The following REPS2 variants were observed in gnomAD, a reference collection of about 807,000 sequenced individuals.
REPS2 encodes ralBP1-associated Eps domain-containing protein 2.
In REPS2, 23 loss-of-function variants were observed where a neutral mutation model predicts 53.6. The ratio of observed to expected loss-of-function variants is 0.43; its 90% CI spans 0.31 to 0.61. The LOEUF is 0.61. Ranked by LOEUF, REPS2 falls within the 20% of genes least tolerant of loss-of-function variation. REPS2 has a pLI of 0.11. For missense variants in REPS2, 446 were observed against 534.9 expected, an observed-to-expected ratio of 0.83 and a Z score of 1.64; for synonymous variants, 238 against 218.6, an observed-to-expected ratio of 1.09 and a Z score of -0.78.
the REPS2 span, among the ~76,000 whole-genome samples, chrX:17,193,789 A>T: frequency 9.0e-6 from 1 of 111,473 alleles, no homozygotes; most frequent in Non-Finnish European, 1.9e-5. Context: ...AGAAACAATT[A>T]TTTATCAAGA....
At chrX:17,100,060 C>T (rs2062765691) in intron 13 of REPS2, 2 of 1,145,515 alleles carry the variant, frequency 1.7e-6, no homozygotes, top group Non-Finnish European at 2.4e-6. Context: ...GAATCAGAAT[C>T]AGCTTTGTGC....
At chrX:17,170,610 A>G in the REPS2 span, among the ~76,000 whole-genome samples, 1 of 112,397 alleles carries the variant, frequency 8.9e-6, no homozygotes, top group African/African-American at 3.2e-5. Flanking sequence ...GCCATGCACT[A>G]CTGAGATCCT....
intron 13 of REPS2, among the ~76,000 whole-genome samples, chrX:17,099,112 G>A (rs1450497088): frequency 9.0e-6 from 1 of 111,431 alleles, no homozygotes; most frequent in East Asian, 2.8e-4. Context: ...GTTTAGGCAG[G>A]GAACACCATG....
intron 12 of REPS2, 51 bp from the exon 13 acceptor site, chrX:17,077,220 G>C: frequency 1.8e-6 from 2 of 1,096,902 alleles, no homozygotes; most frequent in Non-Finnish European, 2.4e-6. Context: ...CCCAACTTCA[G>C]AGAGTAAAGC....
intron 5 of REPS2, among the ~76,000 whole-genome samples, chrX:17,036,359 A>G (rs982520960): frequency 1.8e-5 from 2 of 112,462 alleles, no homozygotes; most frequent in African/African-American, 6.5e-5. Context: ...TAAGTTTATG[A>G]GTCACTTGTA....
intron 1 of REPS2, among the ~76,000 whole-genome samples, chrX:17,003,941 T>C (rs766457932): frequency 2.9e-4 from 32 of 112,247 alleles, no homozygotes; most frequent in Admixed American, 8.5e-4. Context: ...TGAATTTTTC[T>C]GATTTGTATC....
chrX:16,979,439 G>A (rs1157771654), intron 1 of REPS2, among the ~76,000 whole-genome samples: 2 of 111,624 alleles, frequency 1.8e-5, no homozygotes, highest in African/African-American at 6.5e-5. Context: ...TAGGATGTAG[G>A]CGGAGGATAA....
intron 1 of REPS2, among the ~76,000 whole-genome samples, chrX:16,998,949 C>T (rs2061265673): frequency 8.9e-6 from 1 of 112,539 alleles, no homozygotes; most frequent in African/African-American, 3.2e-5. Flanking sequence ...GACACATTTG[C>T]ATCTTAGCTT....
intron 5 of REPS2, among the ~76,000 whole-genome samples, chrX:17,046,650 C>T (rs1313450622): frequency 8.9e-6 from 1 of 112,434 alleles, no homozygotes; most frequent in African/African-American, 3.2e-5. Flanking sequence ...TCCCGCACTG[C>T]TTCCCTGGTT....
intron 16 of REPS2, chrX:17,138,592 CA>C: frequency 4.4e-6 from 1 of 229,863 alleles, no homozygotes; most frequent in East Asian, 7.3e-5. Context: ...ATAAATGGAA[CA>C]CAAATGTTTG....
chrX:17,000,566 G>A (rs193210868), intron 1 of REPS2, among the ~76,000 whole-genome samples: 18 of 112,026 alleles, frequency 1.6e-4, no homozygotes, highest in Middle Eastern at 4.6e-3. Flanking sequence ...GTTAGGCAGG[G>A]GTTAGTAACT....
chrX:17,053,931 A>G (rs1420925007), intron 7 of REPS2, among the ~76,000 whole-genome samples: 1 of 112,122 alleles, frequency 8.9e-6, no homozygotes, highest in Non-Finnish European at 1.9e-5. Flanking sequence ...CCTTAGAAAT[A>G]TATTTTCTTT....
At position 17,136,988 on chromosome X, in the gene REPS2, A is replaced by G. The variant is rs190120964; in HGVS notation, c.1808+1582A>G. The G allele has an allele frequency of 2.6e-4, 29 of 112,914 alleles. No homozygotes were observed. In the East Asian group the frequency reaches 7.2e-3, roughly 28 times the overall value. 9.3% of individuals were successfully genotyped at this position (112,914 alleles called of 1,213,427 possible). ...ATCTGAACTTATCTTTTTATGGCTG[A>G]ATAATATTCCATTGTATGGATAGAC... is the stretch of plus-strand genomic sequence containing the variant. On this transcript the variant is annotated intron_variant, in intron 16 of 17. Transcript: ENST00000357277.
At chrX:17,138,422 G>A (rs1439764682) in intron 16 of REPS2, 1 of 115,100 alleles carries the variant, frequency 8.7e-6, no homozygotes, top group African/African-American at 3.2e-5. Context: ...CTAAGTTAAT[G>A]TAGAATTTTT....
chrX:17,059,475 A>AT (rs1220737667), intron 8 of REPS2, among the ~76,000 whole-genome samples: 6 of 105,007 alleles, frequency 5.7e-5, no homozygotes, highest in African/African-American at 1.0e-4. Context: ...TAAAATAATA[A>AT]TTTTTTTTTT....
Position 17,074,153 on chromosome X carries a change from G to T in REPS2, c.1373G>T (p.Arg458Ile). 1 of 1,208,558 alleles carries T rather than the reference G, an allele frequency of 8.3e-7. No homozygotes were observed. Among genetic ancestry groups the T allele is most frequent in the Non-Finnish European group, 1.1e-6 (1 of 893,152 alleles). The change falls in exon 12 of 18, where the codon AGA becomes ATA. Residue 458 changes from arginine to isoleucine, a missense_variant. Physicochemically the swap from Arg to Ile is moderately conservative, Grantham distance 97. Coordinates refer to ENST00000357277, the MANE Select transcript of REPS2 (RefSeq NM_004726.3). The part of the protein sequence containing the change: ...KDSNSLKARP[R>I]SRSYSSTSIE... Reference sequence around the variant, plus strand: ...TCCAACAGTCTCAAAGCAAGACCAAGATCCAGGTAGTGTTCGTTTAATTTC... The same window carrying T: ...TCCAACAGTCTCAAAGCAAGACCAATATCCAGGTAGTGTTCGTTTAATTTC...
rs1442694588 is a variant in REPS2, at chrX:17,062,461, T to C, written c.1138T>C (p.Cys380Arg). The C allele has an allele frequency of 8.3e-7, 1 of 1,203,362 alleles. No individual in the cohort carries two copies. The highest frequency in any genetic ancestry group is 1.8e-5 in the South Asian group (1 of 54,980). The change falls in exon 9 of 18, where the codon TGT becomes CGT. Residue 380 changes from cysteine (C) to arginine (R), a missense_variant. Coordinates refer to ENST00000357277, the MANE Select transcript of REPS2 (RefSeq NM_004726.3). ...QAAFPKPKWD[C>R]QLFDSYSESL... ...AGCTTTTCCTAAGCCCAAATGGGAC[T>C]GTCAATTATTTGATTCTTATTCTGA...
At chrX:17,146,824 G>A (rs951700068) in intron 17 of REPS2, among the ~76,000 whole-genome samples, 2 of 111,705 alleles carry the variant, frequency 1.8e-5, no homozygotes, top group African/African-American at 3.3e-5. Flanking sequence ...AAAAAAATCC[G>A]TTTTAGGCCC....
the REPS2 span, among the ~76,000 whole-genome samples, chrX:17,179,741 A>G: frequency 8.9e-6 from 1 of 111,902 alleles, no homozygotes; most frequent in Non-Finnish European, 1.9e-5. Context: ...TTCAGAATAC[A>G]TTTTATAGAT....
Sources: allele counts gnomAD v4.1 joint callset (sites outside exome capture counted in the v4.1 genomes callset), GRCh38; gene constraint gnomAD v4.1.1; transcripts MANE v1.5; gene names NCBI Gene and HGNC (gene_info 2026-07-23, HGNC 2026-07-21).